The following ERBIN variants were observed in gnomAD, a reference collection of about 807,000 sequenced individuals.
The protein encoded by ERBIN is erbb2 interacting protein.
ERBIN carries 60 observed loss-of-function variants against 158.4 expected under a neutral mutation model. The ratio of observed to expected loss-of-function variants is 0.38; its 90% confidence interval spans 0.31 to 0.47. The LOEUF (loss-of-function observed/expected upper bound fraction) is 0.47, where lower values mean the gene tolerates loss of function less well. ERBIN is among the 20% of genes least tolerant of loss of function. ERBIN has a pLI of 0.99. For missense variants in ERBIN, 1,610 were observed against 1,648.0 expected (o/e 0.98, Z 0.40); for synonymous variants, 594 against 557.2 (o/e 1.07, Z -0.93).
At chr5:65,947,237 T>C (rs1745879765) in intron 1 of ERBIN, among the ~76,000 whole-genome samples, 1 of 152,136 alleles carries the variant, frequency 6.6e-6, no homozygotes, top group African/African-American at 2.4e-5. Context: ...TTTCCCTCTG[T>C]GATCCATTTT....
intron 5 of ERBIN, 59 bp downstream of exon 5, chr5:66,012,186 A>C (rs1256511873): frequency 3.5e-6 from 4 of 1,139,790 alleles, no homozygotes; most frequent in Non-Finnish European, 5.1e-6. Context: ...TGAAACTAGT[A>C]GATATTATTG....
chr5:65,963,326 A>G (rs1400152215), intron 1 of ERBIN, among the ~76,000 whole-genome samples: 1 of 152,216 alleles, frequency 6.6e-6, no homozygotes, highest in Non-Finnish European at 1.5e-5. Context: ...CAACCAAACA[A>G]ATGGAATTCT....
At chr5:65,960,953 G>A (rs960303052) in intron 1 of ERBIN, among the ~76,000 whole-genome samples, 4 of 151,978 alleles carry the variant, frequency 2.6e-5, no homozygotes, top group African/African-American at 9.7e-5. Context: ...TTTTGACAAC[G>A]AAAATGTTAT....
intron 1 of ERBIN, among the ~76,000 whole-genome samples, chr5:65,974,557 T>C (rs561598723): frequency 4.6e-4 from 70 of 152,364 alleles, no homozygotes; most frequent in African/African-American, 1.6e-3. Context: ...TGATAGTTAC[T>C]ACTCCTTATA....
chr5:66,056,467 C>T (rs1429233020), intron 21 of ERBIN, among the ~76,000 whole-genome samples: 2 of 151,038 alleles, frequency 1.3e-5, no homozygotes, highest in Non-Finnish European at 2.9e-5. Flanking sequence ...CTACTCCTGT[C>T]TGACAGATAT....
At chr5:66,004,371 TGTGTGTGC>T (rs1186863254) in intron 4 of ERBIN, among the ~76,000 whole-genome samples, 2 of 151,042 alleles carry the variant, frequency 1.3e-5, no homozygotes, top group Non-Finnish European at 1.5e-5. Context: ...AAATTCAGTC[TGTGTGTGC>T]GTGTGTGTGT....
intron 1 of ERBIN, among the ~76,000 whole-genome samples, chr5:65,976,177 C>G (rs1480764700): frequency 2.0e-5 from 3 of 152,076 alleles, no homozygotes; most frequent in Non-Finnish European, 4.4e-5. Flanking sequence ...AGAATCCAGT[C>G]AAGACTGTAT....
chr5:66,012,262 A>G, intron 5 of ERBIN, 135 bp downstream of exon 5: 1 of 558,462 alleles, frequency 1.8e-6, no homozygotes, highest in Non-Finnish European at 3.1e-6. Context: ...TTAGAGTTAA[A>G]AAGTAATCTT....
chr5:66,008,996 A>C (rs1462110693), intron 4 of ERBIN, among the ~76,000 whole-genome samples: 1 of 152,196 alleles, frequency 6.6e-6, no homozygotes, highest in Non-Finnish European at 1.5e-5. Flanking sequence ...CCACAGAATG[A>C]CTTTAAAAAA....
intron 4 of ERBIN, among the ~76,000 whole-genome samples, chr5:66,009,090 G>A (rs901029780): frequency 2.0e-5 from 3 of 152,182 alleles, no homozygotes; most frequent in Non-Finnish European, 1.5e-5. Context: ...CCACATTGGC[G>A]TCTGAGCATG....
chr5:66,070,571 C>T (rs1284186037), intron 21 of ERBIN, among the ~76,000 whole-genome samples: 1 of 151,978 alleles, frequency 6.6e-6, no homozygotes, highest in Non-Finnish European at 1.5e-5. Context: ...CTTCTACATT[C>T]ATGGTGTGCT....
rs765100232 is a variant in ERBIN at position 66,021,280 on chromosome 5, G to T, written c.534-42G>T. ...CTGTTTTGAAAGCTTCCATGTAATT[G>T]ATATTTTTCTAGTTAATTTTTCATT... On this transcript the variant is annotated intron_variant, in intron 7 of 25. Transcript: ENST00000284037. 8.5e-6 allele frequency: 11 copies of T among 1,294,276 alleles called. No homozygotes were observed. In the East Asian group the frequency reaches 2.7e-4, roughly 31 times the overall value. 80.2% of individuals were successfully genotyped at this position (1,294,276 alleles called of 1,614,324 possible).
chr5:65,984,925 A>G (rs1751054150), intron 1 of ERBIN: 1 of 151,930 alleles, frequency 6.6e-6, no homozygotes. Context: ...CTTTATATTG[A>G]TTTTACTTTT....
At chr5:66,060,677 A>G (rs1760181385) in intron 21 of ERBIN, among the ~76,000 whole-genome samples, 1 of 152,146 alleles carries the variant, frequency 6.6e-6, no homozygotes, top group Non-Finnish European at 1.5e-5. Context: ...GTGGGCATTT[A>G]GTGCTATAAA....
At chr5:66,028,192 G>A (rs1756480585) in intron 13 of ERBIN, 82 bp from the exon 14 acceptor site, 1 of 1,009,666 alleles carries the variant, frequency 9.9e-7, no homozygotes, top group African/African-American at 1.7e-5. Context: ...GCATTTTTCA[G>A]AAAACCTTTA....
At chr5:66,059,212 T>C (rs1759970886) in intron 21 of ERBIN, among the ~76,000 whole-genome samples, 1 of 152,198 alleles carries the variant, frequency 6.6e-6, no homozygotes, top group Admixed American at 6.5e-5. Flanking sequence ...TTTTATTTCA[T>C]TGAGCAGTGG....
chr5:65,979,840 AC>A (rs763394624), intron 1 of ERBIN, among the ~76,000 whole-genome samples: 8 of 152,238 alleles, frequency 5.3e-5, no homozygotes, highest in Non-Finnish European at 7.3e-5. Context: ...TAGCACAAAG[AC>A]AAAAATAACA....
intron 4 of ERBIN, among the ~76,000 whole-genome samples, chr5:66,011,453 C>T (rs1262097401): frequency 1.3e-5 from 2 of 152,136 alleles, no homozygotes; most frequent in Non-Finnish European, 2.9e-5. Flanking sequence ...TTTGGGAGAT[C>T]GAGGTGGGTG....
intron 4 of ERBIN, among the ~76,000 whole-genome samples, chr5:65,999,463 CT>C (rs2151070207): frequency 6.6e-6 from 1 of 152,292 alleles, no homozygotes; most frequent in African/African-American, 2.4e-5. Context: ...TATGCATCCC[CT>C]AAGAACAGGG....
Sources: gnomAD v4.1 joint callset for allele counts (sites outside exome capture counted in the v4.1 genomes callset) on GRCh38, gnomAD v4.1.1 for gene constraint, MANE v1.5 for transcripts, NCBI Gene and HGNC (gene_info 2026-07-23, HGNC 2026-07-21) for gene names.